Variants in CPQ observed in about 807,000 individuals in gnomAD.
CPQ encodes carboxypeptidase Q, also known as Ser-Met dipeptidase.
A neutral mutation model predicts 45.7 loss-of-function variants in CPQ; 37 were observed. The observed-to-expected ratio is 0.81, with a 90% CI of 0.62 to 1.07. The LOEUF (loss-of-function observed/expected upper bound fraction) is 1.07, where lower values mean the gene tolerates loss of function less well. Ranked by LOEUF, CPQ falls within the 50% of genes least tolerant of loss-of-function variation. The pLI, the probability that CPQ is intolerant of heterozygous loss-of-function variation, is 0.00. For missense variants in CPQ, 537 were observed against 572.9 expected (o/e 0.94, Z 0.64); for synonymous variants, 186 against 205.8 (o/e 0.90, Z 0.82).
rs564514675 is a variant in CPQ at position 96,916,742 on chromosome 8, C to T, written c.849+36737C>T. Among the ~76,000 whole-genome samples, 3 of 152,210 alleles carry T rather than the reference C, an allele frequency of 2.0e-5. No individual in the cohort carries two copies. The East Asian group carries it at 5.8e-4, about 29-fold the overall frequency. On this transcript the variant is annotated intron_variant, in intron 4 of 7. Coordinates refer to ENST00000220763, the MANE Select transcript of CPQ (RefSeq NM_016134.4). ...ACCACACTACATTTGAAGTCACATC[C>T]TTTAGGCTCCTTTTGGTGTGATAGT... is the stretch of plus-strand genomic sequence containing the variant.
At chr8:96,964,466 C>T (rs756244679) in intron 4 of CPQ, among the ~76,000 whole-genome samples, 5 of 151,886 alleles carry the variant, frequency 3.3e-5, no homozygotes, top group Non-Finnish European at 5.9e-5. Flanking sequence ...AGCTGAGTAT[C>T]GTTTTTATGA....
intron 1 of CPQ, among the ~76,000 whole-genome samples, chr8:96,741,209 G>A (rs561011066): frequency 1.3e-5 from 2 of 152,300 alleles, no homozygotes; most frequent in South Asian, 4.1e-4. Context: ...TTGGGAAGGT[G>A]TATGTGTCAA....
chr8:96,691,112 A>C (rs1474790029), intron 1 of CPQ, among the ~76,000 whole-genome samples: 6 of 152,188 alleles, frequency 3.9e-5, no homozygotes, highest in Admixed American at 6.5e-5. Context: ...ATTCTTTCAC[A>C]GTTCTGAAAA....
At chr8:96,891,190 C>T (rs550594891) in intron 4 of CPQ, among the ~76,000 whole-genome samples, 19 of 152,284 alleles carry the variant, frequency 1.2e-4, no homozygotes, top group East Asian at 3.9e-4. Context: ...AATACCATGA[C>T]GGTGGATAAG....
At chr8:96,729,494 G>C (rs1177500476) in intron 1 of CPQ, among the ~76,000 whole-genome samples, 1 of 152,126 alleles carries the variant, frequency 6.6e-6, no homozygotes, top group East Asian at 1.9e-4. Flanking sequence ...TTTCAAGGAT[G>C]ATCTATTTAA....
intron 5 of CPQ, among the ~76,000 whole-genome samples, chr8:97,000,565 T>C (rs563419902): frequency 1.3e-4 from 20 of 152,292 alleles, no homozygotes; most frequent in Non-Finnish European, 2.6e-4. Context: ...CATGGCCTTA[T>C]TTCTGGGCTC....
chr8:96,794,713 C>T (rs1351922275), intron 2 of CPQ, among the ~76,000 whole-genome samples: 2 of 152,118 alleles, frequency 1.3e-5, no homozygotes, highest in Non-Finnish European at 2.9e-5. Context: ...TTAACAGCAC[C>T]CAAGTCACAT....
chr8:96,652,518 G>A (rs529489316), intron 1 of CPQ, among the ~76,000 whole-genome samples: 8 of 152,234 alleles, frequency 5.3e-5, no homozygotes, highest in Non-Finnish European at 8.8e-5. Flanking sequence ...TCATATGATA[G>A]TTCTATCTTT....
intron 1 of CPQ, among the ~76,000 whole-genome samples, chr8:96,650,327 A>C (rs1815563712): frequency 6.6e-6 from 1 of 152,374 alleles, no homozygotes; most frequent in Non-Finnish European, 1.5e-5. Context: ...TGTTAAAGAA[A>C]AAGGCAGATC....
At chr8:96,832,894 C>A (rs1235334036) in intron 2 of CPQ, among the ~76,000 whole-genome samples, 2 of 152,052 alleles carry the variant, frequency 1.3e-5, no homozygotes, top group African/African-American at 4.8e-5. Flanking sequence ...TTGACTTGTT[C>A]ACTCTGGCAG....
intron 6 of CPQ, among the ~76,000 whole-genome samples, chr8:97,051,780 T>C (rs537858502): frequency 6.6e-6 from 1 of 152,346 alleles, no homozygotes; most frequent in South Asian, 2.1e-4. Context: ...ATTTACCTTA[T>C]GGCTGAGAAG....
intron 7 of CPQ, among the ~76,000 whole-genome samples, chr8:97,109,293 C>G (rs1410870253): frequency 6.6e-6 from 1 of 152,190 alleles, no homozygotes; most frequent in Non-Finnish European, 1.5e-5. Flanking sequence ...CCATACAACT[C>G]AGAATTGCTT....
rs555164374 is a variant in CPQ, at chr8:96,878,132, A to T, written c.642-1666A>T. Among the ~76,000 whole-genome samples, 210 of 151,962 alleles carry T rather than the reference A, an allele frequency of 1.4e-3. 2 individuals carry two copies. Among genetic ancestry groups the T allele is most frequent in the Admixed American group, 0.01 (155 of 15,268 alleles). On this transcript the variant is annotated intron_variant, in intron 3 of 7. Coordinates refer to ENST00000220763, the MANE Select transcript of CPQ (RefSeq NM_016134.4). ...AGGCATGTGCCACCACACCTGGCTA[A>T]TTTTTCTGTATTTTTAGTAGAGATG... is the stretch of plus-strand genomic sequence containing the variant.
intron 7 of CPQ, among the ~76,000 whole-genome samples, chr8:97,122,984 AAAT>A (rs1422163913): frequency 3.0e-5 from 2 of 66,142 alleles, no homozygotes; most frequent in African/African-American, 1.6e-4. Context: ...AATAAAATTA[AAAT>A]AAAATAAAAT....
chr8:96,784,793 A>C, intron 1 of CPQ, 71 bp from the exon 2 acceptor site: 1 of 1,143,774 alleles, frequency 8.7e-7, no homozygotes, highest in Non-Finnish European at 1.2e-6. Flanking sequence ...CTTGAAAAGC[A>C]ATCCCTGGGT....
chr8:97,128,170 G>A (rs1344516288), intron 7 of CPQ, among the ~76,000 whole-genome samples: 1 of 152,198 alleles, frequency 6.6e-6, no homozygotes, highest in Non-Finnish European at 1.5e-5. Flanking sequence ...TCTTTCCCAA[G>A]GTTTTGCAGC....
chr8:96,865,016 A>G (rs1395594531), intron 3 of CPQ, among the ~76,000 whole-genome samples: 2 of 152,070 alleles, frequency 1.3e-5, no homozygotes, highest in African/African-American at 2.4e-5. Flanking sequence ...TAAAGTAGGT[A>G]AAATTTATGA....
At chr8:96,756,471 T>C (rs986200162) in intron 1 of CPQ, among the ~76,000 whole-genome samples, 3 of 152,166 alleles carry the variant, frequency 2.0e-5, no homozygotes, top group Non-Finnish European at 4.4e-5. Flanking sequence ...CAAATACTGG[T>C]GGAATTTTAA....
intron 1 of CPQ, among the ~76,000 whole-genome samples, chr8:96,743,438 G>A (rs1810125415): frequency 6.6e-6 from 1 of 152,178 alleles, no homozygotes; most frequent in East Asian, 1.9e-4. Context: ...CCCATAGCTT[G>A]GAGTAATTTG....
Sources: allele counts gnomAD v4.1 joint callset (sites outside exome capture counted in the v4.1 genomes callset), GRCh38; gene constraint gnomAD v4.1.1; transcripts MANE v1.5; gene names NCBI Gene and HGNC (gene_info 2026-07-23, HGNC 2026-07-21).